Variants in IFITM10 observed in about 807,000 individuals in gnomAD.
The protein encoded by IFITM10 is interferon-induced transmembrane protein 10.
A neutral mutation model predicts 19.0 loss-of-function variants in IFITM10; 17 were observed. The observed-to-expected ratio is 0.90, with a 90% CI of 0.61 to 1.34. The LOEUF (loss-of-function observed/expected upper bound fraction) is 1.34, where lower values mean the gene tolerates loss of function less well. Among genes scored for constraint, IFITM10 ranks in the 40% most tolerant of loss-of-function variants. The probability of loss-of-function intolerance (pLI) is 0.00; values close to 1 mark genes in which losing one functional copy is unlikely to be tolerated. For synonymous variants in IFITM10, 148 were observed against 147.2 expected, an observed-to-expected ratio of 1.01 and a Z score of -0.04; for missense variants, 306 against 319.8, an observed-to-expected ratio of 0.96 and a Z score of 0.33.
rs980831781 is a variant in IFITM10 at position 1,735,350 on chromosome 11, C to G, written c.617G>C (p.Ser206Thr). Residue 206 changes from serine to threonine, a missense_variant, in exon 3 of 3, where the codon AGT becomes ACT. Physicochemically the swap from Ser to Thr is moderately conservative, Grantham distance 58 (BLOSUM62 1). Coordinates refer to ENST00000340134, the MANE Select transcript of IFITM10 (RefSeq NM_001170820.4). Reference sequence around the variant, plus strand: ...GATGCAGGAGGCTGCCAGGGCAGAACTGGTGATGTTGAACAGCCGGGCCGT... The same window carrying G: ...GATGCAGGAGGCTGCCAGGGCAGAAGTGGTGATGTTGAACAGCCGGGCCGT... ...AKTARLFNIT[S>T]SALAASCIIL... The G allele has an allele frequency of 1.9e-6, 3 of 1,551,588 alleles. No individual in the cohort carries two copies. The highest frequency in any genetic ancestry group is 1.4e-5 in the African/African-American group (1 of 73,028).
In IFITM10 at chr11:1,748,115, T is replaced by G; in HGVS notation, c.89A>C (p.Gln30Pro). 7.2e-7 allele frequency: 1 copy of G among 1,380,330 alleles called. No homozygotes were observed. Among genetic ancestry groups the G allele is most frequent in the South Asian group, 1.7e-5 (1 of 58,434 alleles). 85.5% of individuals were successfully genotyped at this position (1,380,330 alleles called of 1,614,324 possible). A position where few individuals can be genotyped will look rare whatever the true frequency, so the allele number is the denominator to read the frequency against. The change falls in exon 2 of 3, where the codon CAG becomes CCG. Residue 30 changes from glutamine (Q) to proline (P), a missense_variant. Gln to Pro is a moderately conservative substitution (Grantham distance 76). Coordinates refer to ENST00000340134, the MANE Select transcript of IFITM10 (RefSeq NM_001170820.4). Reference sequence around the variant, plus strand: ...CGGGGCTGGGCACTGGCCGGGGCCCTGGGCCTGGAGAGGAGAAAGTGAGAG... The same window carrying G: ...CGGGGCTGGGCACTGGCCGGGGCCCGGGGCCTGGAGAGGAGAAAGTGAGAG... ...RVEAQWELEAQGPGQCPAPLG... is the reference protein window; with the variant it reads ...RVEAQWELEAPGPGQCPAPLG...
chr11:1,746,030 A>G (rs1246529563), intron 2 of IFITM10: 4 of 152,070 alleles, frequency 2.6e-5, no homozygotes, highest in African/African-American at 9.7e-5. Context: ...GGCACACCCC[A>G]CACACTTGTG....
chr11:1,735,268 G>T lies in IFITM10; in HGVS notation c.*12C>A, dbSNP rs1301681993. ...AGTGCTTGTCTCCGCCAGCAGCCGT[G>T]CCTGGCGGGCCTTAGTAGTCGGTGA... is the stretch of plus-strand genomic sequence containing the variant. On this transcript the variant is annotated 3_prime_UTR_variant, in exon 3 of 3. Transcript: ENST00000340134. 22 of 1,551,072 alleles carry T rather than the reference G, an allele frequency of 1.4e-5. No homozygotes were observed. The highest frequency in any genetic ancestry group is 1.9e-5 in the Non-Finnish European group (22 of 1,146,504).
At chr11:1,742,429 A>G (rs939251) in intron 2 of IFITM10, among the ~76,000 whole-genome samples, 49,114 of 152,036 alleles carry the variant, frequency 0.32, 9,672 homozygotes, top group African/African-American at 0.55. Flanking sequence ...TGGATGAGGA[A>G]GGAGGGAATA....
intron 1 of IFITM10, chr11:1,748,431 G>T: frequency 2.8e-6 from 1 of 351,002 alleles, no homozygotes. Context: ...GACTGACACT[G>T]TTGCAAAACA....
chr11:1,747,615 C>A, intron 2 of IFITM10, 52 bp downstream of exon 2: 1 of 1,491,156 alleles, frequency 6.7e-7, no homozygotes, highest in Non-Finnish European at 9.1e-7. Context: ...GACTGTCCTG[C>A]CGGCACCACC....
At chr11:1,749,344 G>A (rs1393433290) in intron 1 of IFITM10, 1 of 152,522 alleles carries the variant, frequency 6.6e-6, no homozygotes, top group African/African-American at 2.4e-5. Context: ...GGTCCCGCAG[G>A]GATGGGACCC....
intron 2 of IFITM10, chr11:1,745,658 A>C (rs1485225515): frequency 1.3e-5 from 2 of 151,040 alleles, no homozygotes; most frequent in Non-Finnish European, 2.9e-5. Context: ...ATTTACATGA[A>C]CCACACACGT....
chr11:1,740,109 G>C (rs1211426537), intron 2 of IFITM10, among the ~76,000 whole-genome samples: 1 of 152,026 alleles, frequency 6.6e-6, no homozygotes, highest in African/African-American at 2.4e-5. Flanking sequence ...AGATCAGCCT[G>C]ACCAACATGG....
At chr11:1,738,775 T>C (rs763344097) in intron 2 of IFITM10, among the ~76,000 whole-genome samples, 10 of 151,952 alleles carry the variant, frequency 6.6e-5, no homozygotes, top group Non-Finnish European at 1.5e-4. Context: ...ATAAAAAGAA[T>C]GGAGGCCAGG....
chr11:1,745,332 A>C (rs1202789326), intron 2 of IFITM10: 1 of 152,328 alleles, frequency 6.6e-6, no homozygotes, highest in African/African-American at 2.4e-5. Context: ...GGCAGGGCAC[A>C]GAGAGAGGGG....
intron 2 of IFITM10, chr11:1,746,456 A>G: frequency 2.5e-6 from 1 of 397,870 alleles, no homozygotes; most frequent in South Asian, 1.4e-4. Context: ...ACACGTGAGT[A>G]CACACATACA....
rs1445646567 is a variant in IFITM10 at position 1,733,130 on chromosome 11, A to C, written c.*2150T>G. On this transcript the variant is annotated 3_prime_UTR_variant, in exon 3 of 3. Transcript: ENST00000340134. This position sits in a 1 kb window ranked among gnomAD's most constrained non-coding sequence, Gnocchi z 6.3. ...AGGAAGCCTCTGGGTCTAATGGTGC[A>C]AGCATCCGAAGTGCCCACAACCAGG... 1 of 152,124 alleles carries C rather than the reference A, an allele frequency of 6.6e-6. No individual in the cohort carries two copies. The highest frequency in any genetic ancestry group is 1.5e-5 in the Non-Finnish European group (1 of 68,068). 9.4% of individuals were successfully genotyped at this position (152,124 alleles called of 1,614,324 possible). A position where few individuals can be genotyped will look rare whatever the true frequency, so the allele number is the denominator to read the frequency against.
chr11:1,741,130 TTTC>T (rs1845566131), intron 2 of IFITM10, among the ~76,000 whole-genome samples: 2 of 151,946 alleles, frequency 1.3e-5, no homozygotes, highest in Non-Finnish European at 2.9e-5. Context: ...CTCTCAGGTA[TTTC>T]TTTACAGCTG....
At chr11:1,737,009 G>A (rs1851094319) in intron 2 of IFITM10, among the ~76,000 whole-genome samples, 1 of 152,218 alleles carries the variant, frequency 6.6e-6, no homozygotes, top group South Asian at 2.1e-4. Flanking sequence ...GGTAAGGAAG[G>A]AGGCAGGAAG....
intron 1 of IFITM10, 68 bp downstream of exon 1, chr11:1,750,291 T>C: frequency 6.5e-7 from 1 of 1,549,330 alleles, no homozygotes. Flanking sequence ...AACTCCAGCC[T>C]TCCCTCCCTC....
chr11:1,745,820 ACCCT>A (rs1270603683), intron 2 of IFITM10: 1 of 149,612 alleles, frequency 6.7e-6, no homozygotes, highest in African/African-American at 2.5e-5. Context: ...ACATGCACAC[ACCCT>A]CACACACCCG....
chr11:1,737,183 A>G (rs2133640776), intron 2 of IFITM10, among the ~76,000 whole-genome samples: 1 of 151,990 alleles, frequency 6.6e-6, no homozygotes, highest in African/African-American at 2.4e-5. Flanking sequence ...CTCCAGAAAG[A>G]GCTATTACAT....
chr11:1,750,306 C>G (rs1845702406), intron 1 of IFITM10, 53 bp downstream of exon 1: 1 of 1,550,484 alleles, frequency 6.4e-7, no homozygotes. Flanking sequence ...TCCCTCCCTC[C>G]AAGTCCCCCA....
Sources: gnomAD v4.1 joint callset for allele counts (sites outside exome capture counted in the v4.1 genomes callset) on GRCh38, gnomAD v4.1.1 for gene constraint, Gnocchi (gnomAD v3.1) non-coding constraint, MANE v1.5 for transcripts, NCBI Gene and HGNC (gene_info 2026-07-23, HGNC 2026-07-21) for gene names.